Variants in MAML2 observed in about 807,000 individuals in gnomAD.
MAML2 encodes the protein mastermind-like protein 2.
In MAML2, 22 loss-of-function variants were observed where a neutral mutation model predicts 96.1. The observed-to-expected ratio is 0.23, with a 90% CI of 0.16 to 0.33. The LOEUF is 0.33. MAML2 is among the 10% of genes least tolerant of loss of function. The pLI is 1.00. For synonymous variants in MAML2, 561 were observed against 521.3 expected, an observed-to-expected ratio of 1.08 and a Z score of -1.04; for missense variants, 1,367 against 1,392.4, an observed-to-expected ratio of 0.98 and a Z score of 0.29.
chr11:96,334,151 G>C (rs1378241201), intron 1 of MAML2, among the ~76,000 whole-genome samples: 2 of 152,158 alleles, frequency 1.3e-5, no homozygotes, highest in African/African-American at 4.8e-5. Flanking sequence ...TGAGGGAACT[G>C]ATAATATGAT....
chr11:95,983,561 G>A (rs998751065), intron 4 of MAML2, among the ~76,000 whole-genome samples: 10 of 152,270 alleles, frequency 6.6e-5, no homozygotes, highest in South Asian at 6.2e-4. Flanking sequence ...GATTTTGAAC[G>A]TTCCCAACAC....
chr11:96,204,666 T>A (rs1284152063), intron 1 of MAML2, among the ~76,000 whole-genome samples: 1 of 152,226 alleles, frequency 6.6e-6, no homozygotes, highest in African/African-American at 2.4e-5. Context: ...TTTTTGTTTT[T>A]TTAAACCACA....
intron 2 of MAML2, among the ~76,000 whole-genome samples, chr11:96,034,440 A>AGG (rs1383047580): frequency 5.1e-5 from 7 of 138,464 alleles, no homozygotes; most frequent in African/African-American, 2.2e-4. Context: ...TGTGAGAGAG[A>AGG]GAGAGAGAGA....
chr11:96,029,581 G>T (rs940552482), intron 2 of MAML2, among the ~76,000 whole-genome samples: 1 of 152,074 alleles, frequency 6.6e-6, no homozygotes, highest in African/African-American at 2.4e-5. Flanking sequence ...GTTGGAACAG[G>T]GTAACGGATG....
intron 1 of MAML2, among the ~76,000 whole-genome samples, chr11:96,259,664 C>A (rs545241518): frequency 6.6e-6 from 1 of 152,320 alleles, no homozygotes; most frequent in Non-Finnish European, 1.5e-5. Context: ...CATAGGATTC[C>A]TCCAACAAAC....
At chr11:96,053,865 C>T (rs1004285118) in intron 2 of MAML2, among the ~76,000 whole-genome samples, 10 of 152,120 alleles carry the variant, frequency 6.6e-5, no homozygotes, top group Non-Finnish European at 1.5e-4. Context: ...CTCTCTTCAT[C>T]TGTTTGGTAT....
At chr11:96,292,723 T>C (rs1642339117) in intron 1 of MAML2, among the ~76,000 whole-genome samples, 1 of 152,238 alleles carries the variant, frequency 6.6e-6, no homozygotes, top group South Asian at 2.1e-4. Flanking sequence ...ATAGAATCTT[T>C]TTCTAATCCT....
At chr11:95,983,232 ATGTGTGTTTG>A (rs762067454) in intron 4 of MAML2, among the ~76,000 whole-genome samples, 244 of 152,272 alleles carry the variant, frequency 1.6e-3, no homozygotes, top group Non-Finnish European at 2.8e-3. Flanking sequence ...GCCTAGGCTA[ATGTGTGTTTG>A]TGTGTGTTTG....
chr11:96,011,063 C>CA (rs1411787385), intron 2 of MAML2, among the ~76,000 whole-genome samples: 1 of 152,046 alleles, frequency 6.6e-6, no homozygotes, highest in African/African-American at 2.4e-5. Context: ...ATTAAAAAGT[C>CA]AAAATATAAT....
At chr11:96,216,696 C>A (rs2135942985) in intron 1 of MAML2, among the ~76,000 whole-genome samples, 1 of 152,280 alleles carries the variant, frequency 6.6e-6, no homozygotes. Context: ...GACTCAGTCC[C>A]TGTTCTCAGG....
intron 1 of MAML2, among the ~76,000 whole-genome samples, chr11:96,218,676 G>A (rs1487861284): frequency 1.3e-5 from 2 of 152,098 alleles, no homozygotes; most frequent in East Asian, 3.8e-4. Context: ...TCACATAGAA[G>A]AGTATTTATG....
chr11:96,226,543 T>A (rs1206926749), intron 1 of MAML2, among the ~76,000 whole-genome samples: 1 of 152,224 alleles, frequency 6.6e-6, no homozygotes, highest in Non-Finnish European at 1.5e-5. Flanking sequence ...AAGATTTTTT[T>A]TCTCCACATG....
At chr11:96,173,998 G>A (rs546629010) in intron 1 of MAML2, among the ~76,000 whole-genome samples, 8 of 152,284 alleles carry the variant, frequency 5.3e-5, no homozygotes, top group Middle Eastern at 3.4e-3. Context: ...GGAGTAAAAC[G>A]GTGATGAAAA....
At chr11:96,235,263 G>A (rs1266214421) in intron 1 of MAML2, among the ~76,000 whole-genome samples, 1 of 152,064 alleles carries the variant, frequency 6.6e-6, no homozygotes, top group South Asian at 2.1e-4. Context: ...CCTGCAGGCT[G>A]TTTTTGTAAA....
chr11:96,071,542 C>T (rs1270572387), intron 2 of MAML2, among the ~76,000 whole-genome samples: 1 of 152,210 alleles, frequency 6.6e-6, no homozygotes, highest in Non-Finnish European at 1.5e-5. Context: ...TTGTTTTGGA[C>T]TCCCAAATAC....
At chr11:96,030,060 C>T (rs944626744) in intron 2 of MAML2, among the ~76,000 whole-genome samples, 3 of 152,158 alleles carry the variant, frequency 2.0e-5, no homozygotes, top group Admixed American at 1.3e-4. Context: ...AGTGAAACCC[C>T]GTCTCTGCTA....
Position 96,092,743 on chromosome 11 carries a change from C to T in MAML2, c.1288G>A (p.Val430Ile), listed in dbSNP as rs1859747081. The part of the protein sequence containing the change: ...ASRALPSWQE[V>I]SHAQQLKQIA... ...TGTTTGAGCTGCTGGGCATGGGATA[C>T]TTCCTGCCAGCTTGGCAAGGCCCGG... is the stretch of plus-strand genomic sequence containing the variant. The change falls in exon 2 of 5, where the codon GTA becomes ATA. Residue 430 changes from valine (V) to isoleucine (I), a missense_variant. By Grantham distance (29) the Val-to-Ile change is conservative. Coordinates refer to ENST00000524717, the MANE Select transcript of MAML2 (RefSeq NM_032427.4). The surrounding 1 kb of genome is among the most constrained non-coding windows in gnomAD (Gnocchi z 4.1). 6.2e-7 allele frequency: 1 copy of T among 1,613,774 alleles called. No individual in the cohort carries two copies. The highest frequency in any genetic ancestry group is 1.7e-5 in the Admixed American group (1 of 60,010).
At chr11:96,259,232 G>A (rs1431695691) in intron 1 of MAML2, among the ~76,000 whole-genome samples, 1 of 152,052 alleles carries the variant, frequency 6.6e-6, no homozygotes, top group Non-Finnish European at 1.5e-5. Flanking sequence ...TACCAACTCA[G>A]TCCTATTCTT....
chr11:96,226,536 A>T (rs1862211839), intron 1 of MAML2, among the ~76,000 whole-genome samples: 1 of 152,146 alleles, frequency 6.6e-6, no homozygotes, highest in South Asian at 2.1e-4. Flanking sequence ...TAGAGGAAAG[A>T]TTTTTTTTCT....
Sources: gnomAD v4.1 joint callset for allele counts (sites outside exome capture counted in the v4.1 genomes callset) on GRCh38, gnomAD v4.1.1 for gene constraint, Gnocchi (gnomAD v3.1) non-coding constraint, MANE v1.5 for transcripts, NCBI Gene and HGNC (gene_info 2026-07-23, HGNC 2026-07-21) for gene names.